Variants in SORCS1 observed in about 807,000 individuals in gnomAD.
SORCS1 encodes sortilin related VPS10 domain containing receptor 1, also known as VPS10 domain-containing receptor SorCS1.
SORCS1 carries 60 observed loss-of-function variants against 146.1 expected under a neutral mutation model. The ratio of observed to expected loss-of-function variants is 0.41; its 90% CI spans 0.33 to 0.51. The LOEUF is 0.51. Among genes scored for constraint, SORCS1 ranks in the 20% least tolerant of loss-of-function variants. The pLI is 0.21. For synonymous variants in SORCS1, 637 were observed against 584.0 expected (o/e 1.09, Z -1.31); for missense variants, 1,352 against 1,487.6 (o/e 0.91, Z 1.50).
intron 2 of SORCS1, among the ~76,000 whole-genome samples, chr10:106,898,162 C>T (rs577107801): frequency 2.6e-5 from 4 of 152,350 alleles, no homozygotes; most frequent in African/African-American, 7.2e-5. Context: ...CCCTTATTCT[C>T]CTGGTTCTAT....
intron 8 of SORCS1, among the ~76,000 whole-genome samples, chr10:106,700,499 G>A (rs1158155586): frequency 6.6e-6 from 1 of 152,122 alleles, no homozygotes; most frequent in East Asian, 1.9e-4. Flanking sequence ...GAACAACGTA[G>A]AACAATTCTT....
At chr10:107,045,081 C>CAGG (rs1298839081) in intron 1 of SORCS1, among the ~76,000 whole-genome samples, 1 of 152,010 alleles carries the variant, frequency 6.6e-6, no homozygotes, top group African/African-American at 2.4e-5. Flanking sequence ...CTTGAGAGAC[C>CAGG]AGGACCGTAT....
At chr10:106,779,545 A>C (rs1173189039) in intron 3 of SORCS1, among the ~76,000 whole-genome samples, 1 of 116,730 alleles carries the variant, frequency 8.6e-6, no homozygotes, top group Admixed American at 8.5e-5. Context: ...ATTATGGCCC[A>C]TATTTTTTTT....
At chr10:106,757,181 G>A (rs538543310) in intron 5 of SORCS1, among the ~76,000 whole-genome samples, 1 of 152,264 alleles carries the variant, frequency 6.6e-6, no homozygotes, top group Non-Finnish European at 1.5e-5. Flanking sequence ...ACTTCCAGGG[G>A]TGGCATGACC....
intron 5 of SORCS1, among the ~76,000 whole-genome samples, chr10:106,756,625 A>G (rs951293213): frequency 2.0e-5 from 3 of 152,194 alleles, no homozygotes; most frequent in African/African-American, 4.8e-5. Flanking sequence ...CTATATATGT[A>G]AGTCAGTTTT....
At chr10:106,720,219 A>C (rs1356075971) in intron 6 of SORCS1, among the ~76,000 whole-genome samples, 3 of 152,268 alleles carry the variant, frequency 2.0e-5, no homozygotes, top group Admixed American at 2.0e-4. Flanking sequence ...ATCATCCCTC[A>C]TTCATGCCTA....
At chr10:106,986,797 C>A (rs1484737796) in intron 1 of SORCS1, among the ~76,000 whole-genome samples, 1 of 152,106 alleles carries the variant, frequency 6.6e-6, no homozygotes, top group Admixed American at 6.5e-5. Context: ...TATGTTTTCA[C>A]TTCTGGAATT....
rs925040948 is a variant in SORCS1 at position 106,591,256 on chromosome 10, C to T, written c.3265+6095G>A. The stretch of plus-strand genomic sequence containing the variant: ...CTCTCTCAGATCTCTCTTTCTGGGA[C>T]GTAGAACTCCAGGAAGGATAGGCCC... On this transcript the variant is annotated intron_variant, in intron 24 of 25. Coordinates refer to ENST00000263054, the MANE Select transcript of SORCS1 (RefSeq NM_052918.5). 1.5e-4 allele frequency among the ~76,000 whole-genome samples: 23 copies of T among 152,214 alleles called. No individual in the cohort carries two copies. The East Asian group carries it at 3.7e-3, about 24-fold the overall frequency.
intron 3 of SORCS1, among the ~76,000 whole-genome samples, chr10:106,787,630 C>T (rs916001183): frequency 9.2e-5 from 14 of 152,156 alleles, no homozygotes; most frequent in Non-Finnish European, 1.9e-4. Context: ...TGGTATTTCT[C>T]AACACCCCAA....
At chr10:107,162,791 C>T (rs994897224) in intron 1 of SORCS1, among the ~76,000 whole-genome samples, 1 of 152,220 alleles carries the variant, frequency 6.6e-6, no homozygotes, top group African/African-American at 2.4e-5. Flanking sequence ...GGAATTACAT[C>T]ACAACAGAAA....
intron 5 of SORCS1, 152 bp from the exon 6 acceptor site, chr10:106,730,266 C>T (rs1420473221): frequency 3.1e-6 from 2 of 644,838 alleles, no homozygotes; most frequent in Non-Finnish European, 5.4e-6. Flanking sequence ...TTTATACAGC[C>T]TGACAGTAAA....
chr10:107,042,760 C>A (rs1959179044), intron 1 of SORCS1, among the ~76,000 whole-genome samples: 1 of 152,084 alleles, frequency 6.6e-6, no homozygotes, highest in Non-Finnish European at 1.5e-5. Context: ...CAAGCACCTG[C>A]CACCACACCT....
chr10:106,688,710 C>A (rs1018599693), intron 9 of SORCS1, among the ~76,000 whole-genome samples: 1 of 152,136 alleles, frequency 6.6e-6, no homozygotes, highest in African/African-American at 2.4e-5. Flanking sequence ...TAGTGTAGCA[C>A]CCAGATCTCA....
At chr10:106,752,069 G>A (rs751953931) in intron 5 of SORCS1, among the ~76,000 whole-genome samples, 62 of 152,258 alleles carry the variant, frequency 4.1e-4, no homozygotes, top group Non-Finnish European at 7.1e-4. Flanking sequence ...ATTGAAGCTT[G>A]GGCAGGTGAA....
At position 107,104,407 on chromosome 10, in the gene SORCS1, G is replaced by C. The variant is rs578227979; in HGVS notation, c.558+59562C>G. 3.9e-5 allele frequency among the ~76,000 whole-genome samples: 6 copies of C among 152,250 alleles called. No homozygotes were observed. The South Asian group carries it at 1.2e-3, about 32-fold the overall frequency. Reference sequence around the variant, plus strand: ...GTTTGGCTTGAAAGGTCTGGCTTTCGTCACCTTCCTTCTCCTGAAACAGTG... The same window carrying C: ...GTTTGGCTTGAAAGGTCTGGCTTTCCTCACCTTCCTTCTCCTGAAACAGTG... On this transcript the variant is annotated intron_variant, in intron 1 of 25. Coordinates refer to ENST00000263054, the MANE Select transcript of SORCS1 (RefSeq NM_052918.5).
At chr10:106,852,723 G>A (rs1195706754) in intron 2 of SORCS1, among the ~76,000 whole-genome samples, 1 of 150,254 alleles carries the variant, frequency 6.7e-6, no homozygotes. Flanking sequence ...ATTAAGTTTT[G>A]TTATTTTCCC....
intron 1 of SORCS1, among the ~76,000 whole-genome samples, chr10:107,023,709 C>G (rs577717603): frequency 3.3e-5 from 5 of 152,100 alleles, no homozygotes; most frequent in African/African-American, 9.6e-5. Context: ...GAACCTCAGT[C>G]AAGCAAGGAA....
intron 1 of SORCS1, among the ~76,000 whole-genome samples, chr10:107,064,010 C>A (rs1217223723): frequency 2.0e-5 from 3 of 152,202 alleles, no homozygotes; most frequent in Non-Finnish European, 2.9e-5. Context: ...AGTCGAAAGA[C>A]ATTAACCAAC....
chr10:106,790,326 C>T (rs149930304), intron 3 of SORCS1, among the ~76,000 whole-genome samples: 84 of 152,286 alleles, frequency 5.5e-4, no homozygotes, highest in Middle Eastern at 3.4e-3. Flanking sequence ...ATCACTGAGA[C>T]GATGAGTTAT....
Sources: allele counts gnomAD v4.1 joint callset (sites outside exome capture counted in the v4.1 genomes callset), GRCh38; gene constraint gnomAD v4.1.1; transcripts MANE v1.5; gene names NCBI Gene and HGNC (gene_info 2026-07-23, HGNC 2026-07-21).